The following SLC67A1 variants were observed in gnomAD, a reference collection of about 807,000 sequenced individuals.
SLC67A1 encodes solute carrier family 67 member A1.
the SLC67A1 span, chr11:2,922,485 T>C: frequency 6.2e-7 from 1 of 1,612,620 alleles, no homozygotes; most frequent in South Asian, 1.1e-5. Flanking sequence ...CCCGGCCTGG[T>C]GTTCAGCCTC....
At chr11:2,923,658 G>A in the SLC67A1 span, among the ~76,000 whole-genome samples, 3 of 152,220 alleles carry the variant, frequency 2.0e-5, no homozygotes, top group Non-Finnish European at 4.4e-5. The surrounding 1 kb of genome is among the most constrained non-coding windows in gnomAD (Gnocchi z 6.5). Flanking sequence ...CTTCCTGGAG[G>A]AGGTTGGGCA....
chr11:2,909,268 C>T, the SLC67A1 span: 1 of 1,535,572 alleles, frequency 6.5e-7, no homozygotes, highest in Non-Finnish European at 8.7e-7. Flanking sequence ...TCTACCTGCT[C>T]CTGGCGGCCG....
the SLC67A1 span, among the ~76,000 whole-genome samples, chr11:2,923,773 C>G: frequency 8.9e-4 from 135 of 152,288 alleles, 1 homozygote; most frequent in Non-Finnish European, 1.7e-3. This position sits in a 1 kb window ranked among gnomAD's most constrained non-coding sequence, Gnocchi z 6.5. Flanking sequence ...GAGACCAGGC[C>G]CAGGCCATTG....
chr11:2,899,929 C>T, the SLC67A1 span: 6 of 504,878 alleles, frequency 1.2e-5, no homozygotes, highest in Non-Finnish European at 2.1e-5. Context: ...TAAGCCCTCC[C>T]CAGGGAACCC....
At chr11:2,902,086 C>G in the SLC67A1 span, 2 of 152,146 alleles carry the variant, frequency 1.3e-5, 1 homozygote, top group South Asian at 4.1e-4. Context: ...CGAAGCCGGG[C>G]ACGGGGCGAG....
the SLC67A1 span, among the ~76,000 whole-genome samples, chr11:2,910,441 G>A: frequency 6.6e-6 from 1 of 152,280 alleles, no homozygotes; most frequent in Admixed American, 6.5e-5. Flanking sequence ...TGTCTGAGGA[G>A]GCGGCATCTG....
chr11:2,908,918 C>T, the SLC67A1 span, among the ~76,000 whole-genome samples: 1 of 152,226 alleles, frequency 6.6e-6, no homozygotes, highest in African/African-American at 2.4e-5. Context: ...CCTTTGGTCC[C>T]CTGGGATTCC....
the SLC67A1 span, among the ~76,000 whole-genome samples, chr11:2,912,454 C>A: frequency 2.9e-3 from 448 of 152,370 alleles, 4 homozygotes; most frequent in Middle Eastern, 0.024. Flanking sequence ...GAACATCCCC[C>A]GCCTTGCAGC....
chr11:2,909,297 CCGGGGTCTACCTGCT>C, the SLC67A1 span: 1 of 1,534,264 alleles, frequency 6.5e-7, no homozygotes, highest in Non-Finnish European at 8.7e-7. Flanking sequence ...CCGGCCCTGC[CCGGGGTCTACCTGCT>C]CTTCGCCTCG....
At chr11:2,922,309 C>A in the SLC67A1 span, 5 of 1,506,288 alleles carry the variant, frequency 3.3e-6, no homozygotes, top group Non-Finnish European at 4.6e-6. Context: ...TCCAGCCCCC[C>A]ACACCCACCC....
chr11:2,909,088 A>T, the SLC67A1 span: 1 of 1,073,386 alleles, frequency 9.3e-7, no homozygotes, highest in Non-Finnish European at 1.3e-6. Context: ...CTCCATCCCC[A>T]TCCCGCACTC....
chr11:2,919,080 C>T, the SLC67A1 span: 12 of 554,712 alleles, frequency 2.2e-5, no homozygotes, highest in Non-Finnish European at 4.0e-5. Flanking sequence ...TTCCTGCTCA[C>T]AGTCCAGAGC....
At chr11:2,909,426 T>A in the SLC67A1 span, 40 of 1,459,704 alleles carry the variant, frequency 2.7e-5, 1 homozygote, top group East Asian at 1.1e-3. Context: ...CCGGGACACC[T>A]CCAGGGAGGT....
chr11:2,921,835 C>T, the SLC67A1 span: 8,338 of 479,106 alleles, frequency 0.017, 630 homozygotes, highest in African/African-American at 0.16. Context: ...AGCCCATCCC[C>T]GGTGTCCCTG....
At chr11:2,916,155 C>G in the SLC67A1 span, 1 of 155,164 alleles carries the variant, frequency 6.4e-6, no homozygotes, top group Admixed American at 6.5e-5. Flanking sequence ...TGCTGAATGC[C>G]AGGCCCACCC....
At chr11:2,903,645 T>A in the SLC67A1 span, 1 of 763,790 alleles carries the variant, frequency 1.3e-6, no homozygotes, top group Non-Finnish European at 2.1e-6. Flanking sequence ...GCTGAGTAAG[T>A]TAAGGACTCT....
chr11:2,902,583 C>T, the SLC67A1 span: 8 of 985,336 alleles, frequency 8.1e-6, no homozygotes, highest in Admixed American at 2.5e-4. Flanking sequence ...GGGTTCGGTA[C>T]CTCGGGGCTC....
the SLC67A1 span, chr11:2,908,443 T>C: frequency 1.4e-6 from 1 of 723,164 alleles, no homozygotes; most frequent in Non-Finnish European, 2.2e-6. Context: ...CCCCCTGGGA[T>C]GACGGCACTC....
At chr11:2,905,678 C>T in the SLC67A1 span, among the ~76,000 whole-genome samples, 62 of 152,150 alleles carry the variant, frequency 4.1e-4, no homozygotes, top group Non-Finnish European at 7.9e-4. Flanking sequence ...CTGGGGCCTG[C>T]TCCGAGGGCT....
Sources: gnomAD v4.1 joint callset for allele counts (sites outside exome capture counted in the v4.1 genomes callset) on GRCh38, gnomAD v4.1.1 for gene constraint, Gnocchi (gnomAD v3.1) non-coding constraint, MANE v1.5 for transcripts, NCBI Gene and HGNC (gene_info 2026-07-23, HGNC 2026-07-21) for gene names.